The following KCNJ6 variants were observed in gnomAD, a reference collection of about 807,000 sequenced individuals.
The protein encoded by KCNJ6 is potassium inwardly rectifying channel subfamily J member 6.
KCNJ6 carries 9 observed loss-of-function variants against 34.2 expected under a neutral mutation model. That is an observed-to-expected ratio of 0.26 (90% CI 0.16 to 0.46). KCNJ6 has a LOEUF of 0.46. KCNJ6 is among the 20% of genes least tolerant of loss of function. The pLI is 1.00. For missense variants in KCNJ6, 236 were observed against 531.3 expected (o/e 0.44, Z 5.46); for synonymous variants, 196 against 207.1 (o/e 0.95, Z 0.46).
chr21:37,624,254 T>G lies in KCNJ6; in HGVS notation c.*905A>C, dbSNP rs1382095411. On this transcript the variant is annotated 3_prime_UTR_variant, in exon 4 of 4. Transcript: ENST00000609713. ...ATATCAGCATATTGGTGGTGGGTTT[T>G]GCCATCTACCAGACCTCTCAATTTC... The G allele has an allele frequency of 2.0e-5, 3 of 152,202 alleles. No homozygotes were observed. Among genetic ancestry groups the G allele is most frequent in the Admixed American group, 1.3e-4 (2 of 15,276 alleles). The allele number at this position is 152,202 out of a possible 1,614,324, so 9.4% of individuals were successfully genotyped here.
intron 1 of KCNJ6, among the ~76,000 whole-genome samples, chr21:37,881,835 C>T (rs764343406): frequency 6.6e-6 from 1 of 152,180 alleles, no homozygotes; most frequent in Non-Finnish European, 1.5e-5. Context: ...GGGACATGAA[C>T]ATTCAGTCTA....
At chr21:37,729,959 A>G (rs1241509436) in intron 2 of KCNJ6, among the ~76,000 whole-genome samples, 1 of 152,194 alleles carries the variant, frequency 6.6e-6, no homozygotes, top group African/African-American at 2.4e-5. Context: ...GGCCCAGGGA[A>G]GCCAACAGAT....
intron 3 of KCNJ6, among the ~76,000 whole-genome samples, chr21:37,646,357 T>C (rs577296098): frequency 6.6e-6 from 1 of 152,352 alleles, no homozygotes; most frequent in Non-Finnish European, 1.5e-5. Flanking sequence ...GAAATTCTAG[T>C]AATAACAGGA....
intron 1 of KCNJ6, among the ~76,000 whole-genome samples, chr21:37,882,722 TTGCCATGCCCAGCA>T (rs2055715622): frequency 6.6e-6 from 1 of 152,218 alleles, no homozygotes; most frequent in Non-Finnish European, 1.5e-5. Flanking sequence ...TTTAGTGCAT[TTGCCATGCCCAGCA>T]TCCTATTGCT....
intron 2 of KCNJ6, among the ~76,000 whole-genome samples, chr21:37,730,057 C>T (rs1253045889): frequency 6.6e-6 from 1 of 152,196 alleles, no homozygotes; most frequent in East Asian, 1.9e-4. Flanking sequence ...GAAGCAGTGG[C>T]TGCTTCAGGC....
intron 1 of KCNJ6, among the ~76,000 whole-genome samples, chr21:37,894,670 GA>G (rs924510062): frequency 1.9e-4 from 28 of 148,132 alleles, no homozygotes; most frequent in African/African-American, 4.9e-4. Flanking sequence ...TCAAAAAAAA[GA>G]AAAAAAAAAT....
Position 37,625,408 on chromosome 21 carries a change from G to T in KCNJ6, c.1023C>A (p.Thr341=). Residue 341 remains threonine, a synonymous_variant, in exon 4 of 4, where the codon ACC becomes ACA. Coordinates refer to ENST00000609713, the MANE Select transcript of KCNJ6 (RefSeq NM_002240.5). ...LWGYRFTPVL[T]LEDGFYEVDY... is the part of the protein sequence containing the mutation. Reference sequence around the variant, plus strand: ...CAACTTCGTAGAACCCGTCCTCCAGGGTCAGGACAGGTGTGAACCGGTAAC... The same window carrying T: ...CAACTTCGTAGAACCCGTCCTCCAGTGTCAGGACAGGTGTGAACCGGTAAC... 1 of 1,614,030 alleles carries T rather than the reference G, an allele frequency of 6.2e-7. No homozygotes were observed. Among genetic ancestry groups the T allele is most frequent in the Non-Finnish European group, 8.5e-7 (1 of 1,179,894 alleles).
At chr21:37,693,823 G>A (rs970765991) in intron 3 of KCNJ6, among the ~76,000 whole-genome samples, 3 of 151,878 alleles carry the variant, frequency 2.0e-5, no homozygotes, top group South Asian at 2.1e-4. Context: ...TCCCTCCAGC[G>A]GTACCCACTT....
chr21:37,867,910 T>C (rs1351684511), intron 1 of KCNJ6, among the ~76,000 whole-genome samples: 2 of 152,216 alleles, frequency 1.3e-5, no homozygotes, highest in Non-Finnish European at 2.9e-5. Flanking sequence ...CCAGGTGTGG[T>C]TGCACTTTCA....
At chr21:37,752,402 G>A (rs1015421029) in intron 2 of KCNJ6, among the ~76,000 whole-genome samples, 3 of 152,240 alleles carry the variant, frequency 2.0e-5, no homozygotes. Context: ...TACACATGGC[G>A]GCTGGATCAC....
At chr21:37,896,051 G>T (rs1358980720) in intron 1 of KCNJ6, among the ~76,000 whole-genome samples, 1 of 152,184 alleles carries the variant, frequency 6.6e-6, no homozygotes, top group Non-Finnish European at 1.5e-5. Flanking sequence ...GGCATTTGCG[G>T]CCTCTGGGGA....
In KCNJ6 at chr21:37,881,887, G is replaced by A. The variant is rs1045503054; in HGVS notation, c.-28+33997C>T. 3.3e-5 allele frequency among the ~76,000 whole-genome samples: 5 copies of A among 152,270 alleles called. No individual in the cohort carries two copies. The East Asian group carries it at 9.7e-4, about 29-fold the overall frequency. ...AAAGGACAGCTGGGTCCTGACAGTT[G>A]CCTTCAGGTGGACAGTAAATAGGGC... On this transcript the variant is annotated intron_variant, in intron 1 of 3. Coordinates refer to ENST00000609713, the MANE Select transcript of KCNJ6 (RefSeq NM_002240.5).
chr21:37,857,832 A>C (rs943625044), intron 1 of KCNJ6, among the ~76,000 whole-genome samples: 3 of 152,236 alleles, frequency 2.0e-5, no homozygotes, highest in African/African-American at 4.8e-5. Context: ...TGGTAAAGCA[A>C]ATATAGAAAT....
At chr21:37,911,004 C>A (rs2123654108) in intron 1 of KCNJ6, among the ~76,000 whole-genome samples, 1 of 152,192 alleles carries the variant, frequency 6.6e-6, no homozygotes, top group African/African-American at 2.4e-5. Context: ...ATGATTAGAT[C>A]AAAGCTATAG....
intron 3 of KCNJ6, among the ~76,000 whole-genome samples, chr21:37,705,324 T>C (rs2054713918): frequency 6.6e-6 from 1 of 152,178 alleles, no homozygotes; most frequent in African/African-American, 2.4e-5. Context: ...TGGGTGACCT[T>C]GGCCAAGTTA....
At chr21:37,753,807 G>A (rs548670049) in intron 2 of KCNJ6, among the ~76,000 whole-genome samples, 11 of 152,080 alleles carry the variant, frequency 7.2e-5, no homozygotes, top group African/African-American at 1.9e-4. Flanking sequence ...GGACCCTCCC[G>A]ATTTTCAAGG....
At chr21:37,761,431 T>G (rs144268453) in intron 2 of KCNJ6, among the ~76,000 whole-genome samples, 3,264 of 150,986 alleles carry the variant, frequency 0.022, 101 homozygotes, top group African/African-American at 0.074. Context: ...GTGTGTTGTG[T>G]TGTGTGTGTA....
intron 1 of KCNJ6, among the ~76,000 whole-genome samples, chr21:37,908,275 G>A (rs1165739176): frequency 6.6e-6 from 1 of 152,230 alleles, no homozygotes; most frequent in Admixed American, 6.5e-5. Context: ...TGGCATTAAA[G>A]CTGTTCTTTT....
chr21:37,692,604 TGTTGGGGCCCAATG>T (rs2054644851), intron 3 of KCNJ6, among the ~76,000 whole-genome samples: 1 of 152,188 alleles, frequency 6.6e-6, no homozygotes, highest in African/African-American at 2.4e-5. Flanking sequence ...TCTGCCAGGA[TGTTGGGGCCCAATG>T]GTTGGGGCCT....
Sources: gnomAD v4.1 joint callset for allele counts (sites outside exome capture counted in the v4.1 genomes callset) on GRCh38, gnomAD v4.1.1 for gene constraint, MANE v1.5 for transcripts, NCBI Gene and HGNC (gene_info 2026-07-23, HGNC 2026-07-21) for gene names.